Variants in SP140L observed in about 807,000 individuals in gnomAD.
SP140L encodes nuclear body protein SP140-like protein.
A neutral mutation model predicts 84.3 loss-of-function variants in SP140L; 64 were observed. The observed-to-expected ratio is 0.76, with a 90% confidence interval of 0.62 to 0.94. The LOEUF is 0.94. SP140L is among the 40% of genes least tolerant of loss of function. SP140L has a pLI of 0.00. For missense variants in SP140L, 628 were observed against 692.5 expected (o/e 0.91, Z 1.05); for synonymous variants, 242 against 236.9 (o/e 1.02, Z -0.20).
chr2:230,336,405 C>T (rs1367067731), intron 2 of SP140L, among the ~76,000 whole-genome samples: 5 of 152,108 alleles, frequency 3.3e-5, no homozygotes, highest in Non-Finnish European at 4.4e-5. Flanking sequence ...CTATTTGGCC[C>T]CATTTGTTTT....
At chr2:230,366,743 TTA>T (rs1575487965) in intron 5 of SP140L, among the ~76,000 whole-genome samples, 1 of 146,734 alleles carries the variant, frequency 6.8e-6, no homozygotes, top group East Asian at 1.9e-4. Flanking sequence ...ATTATTATTA[TTA>T]TTTTTGGAGA....
intron 4 of SP140L, among the ~76,000 whole-genome samples, chr2:230,360,369 C>T (rs1266762841): frequency 6.6e-6 from 1 of 152,110 alleles, no homozygotes; most frequent in Non-Finnish European, 1.5e-5. Context: ...TAAAGAAATA[C>T]TACAGGTTTA....
At chr2:230,388,036 G>A (rs919535132) in intron 9 of SP140L, among the ~76,000 whole-genome samples, 1 of 152,164 alleles carries the variant, frequency 6.6e-6, no homozygotes, top group Admixed American at 6.5e-5. Context: ...TTAACTCACA[G>A]AACTGCCATT....
intron 15 of SP140L, 124 bp downstream of exon 15, chr2:230,400,366 A>G (rs2062266048): frequency 1.1e-6 from 1 of 936,626 alleles, no homozygotes; most frequent in African/African-American, 1.6e-5. Context: ...GGGTACTGGG[A>G]CCCAGCAGTG....
chr2:230,341,706 T>C (rs1231192444), intron 2 of SP140L, among the ~76,000 whole-genome samples: 1 of 151,892 alleles, frequency 6.6e-6, no homozygotes, highest in Non-Finnish European at 1.5e-5. Context: ...GTTTTCCTTC[T>C]AACAGAGAGG....
At chr2:230,335,335 C>T (rs186600608) in intron 2 of SP140L, among the ~76,000 whole-genome samples, 2 of 152,282 alleles carry the variant, frequency 1.3e-5, no homozygotes, top group Admixed American at 6.5e-5. Context: ...GCATGTTAGG[C>T]CATGAATATT....
At position 230,371,767 on chromosome 2, in the gene SP140L, A is replaced by G. The variant is rs561461392; in HGVS notation, c.637+116A>G. ...TATTATTTGCAATACTGTGGTAGAG[A>G]GAATGATGGCCACCCCAAAAAACGT... is the stretch of plus-strand genomic sequence containing the variant. On this transcript the variant is annotated intron_variant, in intron 7 of 18. Transcript: ENST00000415673. 5.1e-6 allele frequency: 5 copies of G among 986,334 alleles called. 1 individual carries two copies. In the South Asian group the frequency reaches 7.3e-5, roughly 14 times the overall value. The allele number at this position is 986,334 out of a possible 1,614,324, so 61.1% of individuals were successfully genotyped here.
At chr2:230,340,277 G>C (rs1000567174) in intron 2 of SP140L, among the ~76,000 whole-genome samples, 5 of 148,136 alleles carry the variant, frequency 3.4e-5, no homozygotes, top group Admixed American at 6.7e-5. Context: ...ATCTTTGTTG[G>C]TTTAAAGTCT....
intron 14 of SP140L, among the ~76,000 whole-genome samples, chr2:230,397,786 C>T (rs1410640139): frequency 6.6e-6 from 1 of 152,148 alleles, no homozygotes; most frequent in Non-Finnish European, 1.5e-5. Context: ...CTTTTCCACA[C>T]TGATTTTGAT....
At position 230,368,671 on chromosome 2, in the gene SP140L, C is replaced by A. The variant is rs115935225; in HGVS notation, c.524-2237C>A. ...TTCTTTTTTCTTTTTCCTTCTCTAG[C>A]TGTATTTTCAGACAACCTGTCTGAG... On this transcript the variant is annotated intron_variant, in intron 5 of 18. Transcript: ENST00000415673. 7.0e-3 allele frequency among the ~76,000 whole-genome samples: 1,060 copies of A among 152,122 alleles called. 17 individuals are homozygous for A. Among genetic ancestry groups the A allele is most frequent in the African/African-American group, 0.024 (1,000 of 41,496 alleles).
intron 5 of SP140L, among the ~76,000 whole-genome samples, chr2:230,366,723 T>TATTATA (rs2060886163): frequency 2.4e-5 from 3 of 123,256 alleles, no homozygotes; most frequent in Non-Finnish European, 6.0e-5. Context: ...TTATTATTAT[T>TATTATA]ATTATTATTA....
chr2:230,401,257 C>G (rs1197497065), intron 16 of SP140L, 109 bp from the exon 17 acceptor site: 1 of 1,581,816 alleles, frequency 6.3e-7, no homozygotes, highest in Non-Finnish European at 8.6e-7. Context: ...AAGAGCCACA[C>G]ATGTTAGAGA....
intron 2 of SP140L, among the ~76,000 whole-genome samples, chr2:230,336,488 A>C (rs571961542): frequency 6.6e-6 from 1 of 152,202 alleles, no homozygotes. Context: ...ATGAGAATCT[A>C]TGAGGAGGAA....
At chr2:230,343,144 T>C (rs1053223541) in intron 2 of SP140L, among the ~76,000 whole-genome samples, 2 of 149,110 alleles carry the variant, frequency 1.3e-5, no homozygotes, top group African/African-American at 2.5e-5. Context: ...GTTTGTTACA[T>C]AGGTAAACAT....
At chr2:230,370,127 A>G (rs2061015499) in intron 5 of SP140L, among the ~76,000 whole-genome samples, 1 of 152,198 alleles carries the variant, frequency 6.6e-6, no homozygotes, top group African/African-American at 2.4e-5. Context: ...AGAGCTTTTT[A>G]ATTTTTTCTA....
chr2:230,352,874 G>A (rs1022651641), intron 2 of SP140L, among the ~76,000 whole-genome samples: 3 of 151,718 alleles, frequency 2.0e-5, no homozygotes, highest in East Asian at 1.9e-4. Context: ...GTGTATATAT[G>A]TATAATGGTG....
chr2:230,333,633 C>CA (rs1319689276), intron 2 of SP140L, among the ~76,000 whole-genome samples: 1 of 152,132 alleles, frequency 6.6e-6, no homozygotes, highest in African/African-American at 2.4e-5. Flanking sequence ...TTTCAATTCT[C>CA]ATCATTTTGC....
chr2:230,352,855 C>T (rs895576913), intron 2 of SP140L, among the ~76,000 whole-genome samples: 18 of 151,602 alleles, frequency 1.2e-4, no homozygotes, highest in Admixed American at 2.6e-4. Flanking sequence ...CACACACACA[C>T]ATATATGTGT....
intron 9 of SP140L, 126 bp from the exon 10 acceptor site, chr2:230,388,433 A>G: frequency 1.5e-6 from 1 of 686,358 alleles, no homozygotes; most frequent in South Asian, 2.9e-5. Flanking sequence ...TAGGGTTTAA[A>G]TCTTTTTATT....
Sources: gnomAD v4.1 joint callset for allele counts (sites outside exome capture counted in the v4.1 genomes callset) on GRCh38, gnomAD v4.1.1 for gene constraint, MANE v1.5 for transcripts, NCBI Gene and HGNC (gene_info 2026-07-23, HGNC 2026-07-21) for gene names.